Variants in DOP1B observed in about 807,000 individuals in gnomAD.
DOP1B encodes protein DOP1B.
Under a neutral mutation model 233.5 loss-of-function variants are expected in DOP1B, and 174 were observed. That is an observed-to-expected ratio of 0.75 (90% CI 0.66 to 0.85). The LOEUF is 0.85. Among genes scored for constraint, DOP1B ranks in the 40% least tolerant of loss-of-function variants. The pLI, the probability that DOP1B is intolerant of heterozygous loss-of-function variation, is 0.00. For synonymous variants in DOP1B, 1,190 were observed against 1,185.6 expected, an observed-to-expected ratio of 1.00 and a Z score of -0.08; for missense variants, 2,652 against 2,846.6, an observed-to-expected ratio of 0.93 and a Z score of 1.56.
chr21:36,226,833 A>G (rs1195595638), intron 12 of DOP1B, among the ~76,000 whole-genome samples: 5 of 152,108 alleles, frequency 3.3e-5, no homozygotes, highest in Admixed American at 6.5e-5. Context: ...AGCTCAAGCA[A>G]TCTCCCTGCA....
intron 26 of DOP1B, among the ~76,000 whole-genome samples, chr21:36,267,781 C>A (rs1332238684): frequency 6.6e-6 from 1 of 151,902 alleles, no homozygotes; most frequent in African/African-American, 2.4e-5. Flanking sequence ...AGCTGGGCCA[C>A]CAGGGGTGAC....
In DOP1B at chr21:36,214,504, A is replaced by T. The variant is rs1437398653; in HGVS notation, c.1077A>T (p.Ala359=). The T allele has an allele frequency of 6.2e-7, 1 of 1,614,028 alleles. No homozygotes were observed. Among genetic ancestry groups the T allele is most frequent in the Admixed American group, 1.7e-5 (1 of 59,930 alleles). Residue 359 remains alanine, a synonymous_variant, in exon 9 of 37, where the codon GCA becomes GCT. Transcript: ENST00000691173. ...IDADVEERHH[A]YLKPFRVLIS... is the part of the protein sequence containing the mutation. ...CTGACGTGGAGGAACGCCATCATGC[A>T]TACCTGAAGCCTTTTCGCGTCCTCA...
At chr21:36,292,618 T>G (rs546984361) in intron 36 of DOP1B, among the ~76,000 whole-genome samples, 5 of 149,600 alleles carry the variant, frequency 3.3e-5, no homozygotes, top group African/African-American at 1.2e-4. Context: ...TGGGTTTTTT[T>G]TTTTTTTTTT....
chr21:36,251,681 A>G (rs1230906955), intron 22 of DOP1B, among the ~76,000 whole-genome samples: 2 of 152,166 alleles, frequency 1.3e-5, no homozygotes, highest in Non-Finnish European at 2.9e-5. Flanking sequence ...TCGGCCTCCT[A>G]AAGTGCTGGG....
Position 36,237,397 on chromosome 21 carries a change from C to T in DOP1B, c.2758C>T (p.Leu920Phe). The T allele has an allele frequency of 6.2e-7, 1 of 1,614,160 alleles. No individual in the cohort carries two copies. Among genetic ancestry groups the T allele is most frequent in the Non-Finnish European group, 8.5e-7 (1 of 1,180,044 alleles). Residue 920 changes from leucine to phenylalanine, a missense_variant, in exon 16 of 37, where the codon CTC becomes TTC. Transcript: ENST00000691173. ...NICEDIICHA[L>F]LDPDKGTRLE... ...CTGCGAGGACATCATCTGCCATGCC[C>T]TCCTGGACCCTGACAAGGTGAGCCT...
At chr21:36,293,215 A>C in intron 36 of DOP1B, 105 bp from the exon 37 acceptor site, 2 of 1,364,144 alleles carry the variant, frequency 1.5e-6, no homozygotes, top group Non-Finnish European at 2.0e-6. Flanking sequence ...CAAAAAAAAA[A>C]AAAAAGGACC....
intron 4 of DOP1B, among the ~76,000 whole-genome samples, 186 bp from the exon 5 acceptor site, chr21:36,208,529 G>A (rs2066454954): frequency 6.6e-6 from 1 of 152,356 alleles, no homozygotes; most frequent in Non-Finnish European, 1.5e-5. Flanking sequence ...GGGTCAGTGT[G>A]ACAGCCAGCA....
intron 10 of DOP1B, among the ~76,000 whole-genome samples, chr21:36,220,992 G>T (rs2066616752): frequency 6.6e-6 from 1 of 152,054 alleles, no homozygotes; most frequent in Admixed American, 6.6e-5. Context: ...TAATTTTTCT[G>T]TAGAGACAAG....
At chr21:36,255,765 C>G (rs981955924) in intron 23 of DOP1B, among the ~76,000 whole-genome samples, 2 of 151,628 alleles carry the variant, frequency 1.3e-5, no homozygotes, top group Admixed American at 1.3e-4. Context: ...AAATAAATGT[C>G]AGAGAACATA....
Position 36,232,925 on chromosome 21 carries a change from C to T in DOP1B, c.2472C>T (p.Ser824=). 2 of 1,614,098 alleles carry T rather than the reference C, an allele frequency of 1.2e-6. No homozygotes were observed. Among genetic ancestry groups the T allele is most frequent in the Non-Finnish European group, 1.7e-6 (2 of 1,180,020 alleles). Residue 824 remains serine, a synonymous_variant, in exon 15 of 37, where the codon TCC becomes TCT. Transcript: ENST00000691173. Reference sequence around the variant, plus strand: ...CTCTGCTGGAAGTGATAAACCATTCCCAGTCCCTGGCGCTTGTCATTGAAG... The same window carrying T: ...CTCTGCTGGAAGTGATAAACCATTCTCAGTCCCTGGCGCTTGTCATTGAAG... ...ISTLLEVINH[S]QSLALVIEDK... is the part of the protein sequence containing the mutation.
At chr21:36,225,835 A>G (rs1655021521) in intron 12 of DOP1B, among the ~76,000 whole-genome samples, 168 bp downstream of exon 12, 1 of 152,220 alleles carries the variant, frequency 6.6e-6, no homozygotes, top group African/African-American at 2.4e-5. Context: ...GTAATCTCTT[A>G]AATTTTTAAT....
intron 1 of DOP1B, among the ~76,000 whole-genome samples, chr21:36,157,273 G>C (rs538593730): frequency 6.6e-6 from 1 of 152,122 alleles, no homozygotes; most frequent in Non-Finnish European, 1.5e-5. Flanking sequence ...GGCAGGTGCA[G>C]GTCCAGGGGT....
At chr21:36,291,968 C>A in intron 35 of DOP1B, 136 bp from the exon 36 acceptor site, 1 of 1,060,842 alleles carries the variant, frequency 9.4e-7, no homozygotes, top group East Asian at 2.8e-5. Flanking sequence ...ACGTGCAACT[C>A]TATGAATATA....
At chr21:36,159,583 A>G (rs563209633) in intron 1 of DOP1B, among the ~76,000 whole-genome samples, 28 of 152,342 alleles carry the variant, frequency 1.8e-4, no homozygotes, top group African/African-American at 6.5e-4. Context: ...ACGATTTCCA[A>G]ACTTCTCTCG....
intron 5 of DOP1B, 59 bp from the exon 6 acceptor site, chr21:36,211,494 T>C (rs1433312836): frequency 1.2e-5 from 18 of 1,503,218 alleles, no homozygotes; most frequent in African/African-American, 1.4e-5. Context: ...AAGGTTACTT[T>C]CGTTTTTATG....
intron 27 of DOP1B, among the ~76,000 whole-genome samples, chr21:36,273,633 C>T (rs1340373442): frequency 6.6e-6 from 1 of 152,074 alleles, no homozygotes; most frequent in Non-Finnish European, 1.5e-5. Context: ...GAAGGCACTG[C>T]CCCGAGGGGA....
intron 18 of DOP1B, among the ~76,000 whole-genome samples, chr21:36,241,210 C>T (rs2066887978): frequency 6.6e-6 from 1 of 151,852 alleles, no homozygotes; most frequent in African/African-American, 2.4e-5. Context: ...AGGAGAATGG[C>T]ATGAACCCAG....
At position 36,245,553 on chromosome 21, in the gene DOP1B, G is replaced by C. The variant is rs141535910; in HGVS notation, c.3573G>C (p.Ser1191=). Residue 1191 remains serine (S), a synonymous_variant, in exon 19 of 37, where the codon TCG becomes TCC. Transcript: ENST00000691173. This position sits in a 1 kb window ranked among gnomAD's most constrained non-coding sequence, Gnocchi z 5.5. ...CGGACAAGACGCAGGCTTCTGAGTC[G>C]TTCTCCAGCGACGAGGAGGCGGACT... is the stretch of plus-strand genomic sequence containing the variant. ...VDSDKTQASE[S]FSSDEEADLE... is the part of the protein sequence containing the mutation. 11 of 1,613,440 alleles carry C rather than the reference G, an allele frequency of 6.8e-6. No homozygotes were observed. The highest frequency in any genetic ancestry group is 9.3e-6 in the Non-Finnish European group (11 of 1,179,994).
Position 36,189,962 on chromosome 21 carries a change from A to G in DOP1B, c.139-9108A>G, listed in dbSNP as rs148194754. 9.4e-3 allele frequency among the ~76,000 whole-genome samples: 1,393 copies of G among 148,348 alleles called. 24 individuals are homozygous for G. The highest frequency in any genetic ancestry group is 0.032 in the African/African-American group (1,277 of 39,672). On this transcript the variant is annotated intron_variant, in intron 2 of 36. Coordinates refer to ENST00000691173, the MANE Select transcript of DOP1B (RefSeq NM_001320714.2). ...GAAGTGGAGGTTGCAGTGAGCCAAG[A>G]TCACACTACTGCACTCCAACCTGGG...
Sources: allele counts gnomAD v4.1 joint callset (sites outside exome capture counted in the v4.1 genomes callset), GRCh38; gene constraint gnomAD v4.1.1; non-coding constraint Gnocchi (gnomAD v3.1); transcripts MANE v1.5; gene names NCBI Gene and HGNC (gene_info 2026-07-23, HGNC 2026-07-21).